The following EFR3A variants were observed in gnomAD, a reference collection of about 807,000 sequenced individuals.
The protein encoded by EFR3A is protein EFR3 homolog A.
EFR3A carries 76 observed loss-of-function variants against 104.4 expected under a neutral mutation model. The ratio of observed to expected loss-of-function variants is 0.73; its 90% CI spans 0.60 to 0.88. The LOEUF (loss-of-function observed/expected upper bound fraction) is 0.88, where lower values mean the gene tolerates loss of function less well. Among genes scored for constraint, EFR3A ranks in the 40% least tolerant of loss-of-function variants. EFR3A has a pLI of 0.00. For missense variants in EFR3A, 985 were observed against 1,012.5 expected, an observed-to-expected ratio of 0.97 and a Z score of 0.37; for synonymous variants, 330 against 330.0, an observed-to-expected ratio of 1.00 and a Z score of 0.00.
chr8:131,974,442 A>C (rs565312356), intron 10 of EFR3A, among the ~76,000 whole-genome samples: 49 of 152,182 alleles, frequency 3.2e-4, no homozygotes, highest in Non-Finnish European at 6.2e-4. Context: ...ACAGAAGGTC[A>C]GTGTCCAGTT....
At position 132,002,774 on chromosome 8, in the gene EFR3A, T is replaced by A. The variant is rs578066264; in HGVS notation, c.2310+68T>A. The A allele has an allele frequency of 1.8e-4, 234 of 1,281,278 alleles. 1 individual carries two copies. In the East Asian group the frequency reaches 5.4e-3, roughly 29 times the overall value. The allele number at this position is 1,281,278 out of a possible 1,614,324, so 79.4% of individuals were successfully genotyped here. A position where few individuals can be genotyped will look rare whatever the true frequency, so the allele number is the denominator to read the frequency against. On this transcript the variant is annotated intron_variant, in intron 21 of 22. Transcript: ENST00000254624. ...TTTGTGGAAACTCTTCCTTGGTGAT[T>A]AGTTGATAAGTTCCAAGCTTTAGTC...
chr8:131,916,292 G>C (rs1353552576), intron 1 of EFR3A, among the ~76,000 whole-genome samples: 1 of 152,196 alleles, frequency 6.6e-6, no homozygotes, highest in Admixed American at 6.5e-5. Context: ...TTGTAGGAAG[G>C]ACTGCAGTGA....
At chr8:131,908,988 G>A (rs1211194605) in intron 1 of EFR3A, among the ~76,000 whole-genome samples, 1 of 152,096 alleles carries the variant, frequency 6.6e-6, no homozygotes, top group African/African-American at 2.4e-5. Flanking sequence ...CATGTGTTGG[G>A]AACATTTCAA....
In EFR3A at chr8:131,947,030, T is replaced by C. The variant is rs550556710; in HGVS notation, c.366+397T>C. Reference sequence around the variant, plus strand: ...TTGTGTACAGGTTTTTGTGTGGATGTATGTTTTTCATTCTCTTGGGTATAT... The same window carrying C: ...TTGTGTACAGGTTTTTGTGTGGATGCATGTTTTTCATTCTCTTGGGTATAT... On this transcript the variant is annotated intron_variant, in intron 4 of 22. Coordinates refer to ENST00000254624, the MANE Select transcript of EFR3A (RefSeq NM_015137.6). 1.5e-4 allele frequency among the ~76,000 whole-genome samples: 23 copies of C among 152,194 alleles called. No individual in the cohort carries two copies. The East Asian group carries it at 3.7e-3, about 24-fold the overall frequency.
chr8:131,976,663 A>G lies in EFR3A; in HGVS notation c.1275-378A>G, dbSNP rs1299944539. ...TTTGACCATAATTTGTTATTTTTTA[A>G]AATTGTTCTTACCTGTTTATTCATA... On this transcript the variant is annotated intron_variant, in intron 11 of 22. Transcript: ENST00000254624. Among the ~76,000 whole-genome samples, 5 of 152,116 alleles carry G rather than the reference A, an allele frequency of 3.3e-5. No individual in the cohort carries two copies. The South Asian group carries it at 1.0e-3, about 32-fold the overall frequency.
At chr8:131,936,992 G>A (rs1280323434) in intron 1 of EFR3A, among the ~76,000 whole-genome samples, 1 of 152,090 alleles carries the variant, frequency 6.6e-6, no homozygotes, top group Non-Finnish European at 1.5e-5. Flanking sequence ...GTTAGGGGTT[G>A]TGGCTGAAAG....
At chr8:132,005,480 G>A (rs1330609403) in intron 22 of EFR3A, among the ~76,000 whole-genome samples, 1 of 151,622 alleles carries the variant, frequency 6.6e-6, no homozygotes, top group African/African-American at 2.4e-5. Flanking sequence ...AGAATAAGCA[G>A]CCTCACAGAT....
At chr8:131,982,026 A>G (rs547872958) in intron 14 of EFR3A, among the ~76,000 whole-genome samples, 19 of 152,284 alleles carry the variant, frequency 1.2e-4, no homozygotes, top group African/African-American at 4.6e-4. Flanking sequence ...TATAAAATAC[A>G]TGGGAATTAT....
At chr8:131,971,646 C>T (rs1043344082) in intron 10 of EFR3A, among the ~76,000 whole-genome samples, 3 of 151,294 alleles carry the variant, frequency 2.0e-5, no homozygotes, top group African/African-American at 7.3e-5. Flanking sequence ...CGAGATGGCG[C>T]CACTGCACTC....
In EFR3A at chr8:132,001,832, A is replaced by G. The variant is rs578252991; in HGVS notation, c.2206+25A>G. On this transcript the variant is annotated intron_variant, in intron 20 of 22. Transcript: ENST00000254624. ...GGTGAGATATTTTGCACTTGTTAGT[A>G]CTACCAATATTTAACTTATCTTTAT... 18 of 1,592,488 alleles carry G rather than the reference A, an allele frequency of 1.1e-5. No homozygotes were observed. The African/African-American group carries it at 2.3e-4, about 20-fold the overall frequency.
At chr8:131,925,212 A>G (rs553189723) in intron 1 of EFR3A, among the ~76,000 whole-genome samples, 7 of 152,236 alleles carry the variant, frequency 4.6e-5, no homozygotes, top group Middle Eastern at 3.4e-3. Flanking sequence ...TATTTGAGTA[A>G]TATCTGATAT....
chr8:131,925,329 C>G (rs2130466902), intron 1 of EFR3A, among the ~76,000 whole-genome samples: 1 of 152,062 alleles, frequency 6.6e-6, no homozygotes, highest in Non-Finnish European at 1.5e-5. Flanking sequence ...TCAAATACAC[C>G]ACAATCTGTG....
At chr8:131,917,146 G>A (rs1259346883) in intron 1 of EFR3A, among the ~76,000 whole-genome samples, 1 of 152,248 alleles carries the variant, frequency 6.6e-6, no homozygotes, top group Non-Finnish European at 1.5e-5. Context: ...ACAACAGAAT[G>A]ATTTGCAGGC....
intron 8 of EFR3A, among the ~76,000 whole-genome samples, chr8:131,966,578 C>A (rs542738333): frequency 6.6e-4 from 100 of 152,170 alleles, no homozygotes; most frequent in African/African-American, 1.8e-3. Context: ...CCCCAAGAAT[C>A]CTATGAGTAA....
intron 14 of EFR3A, among the ~76,000 whole-genome samples, chr8:131,980,876 C>T (rs1820574077): frequency 6.6e-6 from 1 of 152,056 alleles, no homozygotes; most frequent in African/African-American, 2.4e-5. Context: ...GTGAGTTCAA[C>T]TCTTTTAAAT....
chr8:131,946,039 T>C (rs1818422617), intron 3 of EFR3A, among the ~76,000 whole-genome samples: 1 of 152,044 alleles, frequency 6.6e-6, no homozygotes, highest in Non-Finnish European at 1.5e-5. Context: ...AAGTAATATT[T>C]ATGAGATTTT....
intron 1 of EFR3A, among the ~76,000 whole-genome samples, chr8:131,921,574 G>A (rs369590615): frequency 4.1e-4 from 62 of 152,142 alleles, no homozygotes; most frequent in African/African-American, 1.3e-3. Context: ...TTAATTGTGC[G>A]TATTTATTAA....
At chr8:132,002,986 G>C (rs531996610) in intron 21 of EFR3A, among the ~76,000 whole-genome samples, 15 of 152,174 alleles carry the variant, frequency 9.9e-5, no homozygotes, top group African/African-American at 3.6e-4. Flanking sequence ...TGATTTTGCT[G>C]CAGGTATTTT....
intron 1 of EFR3A, among the ~76,000 whole-genome samples, chr8:131,919,439 T>C (rs112070475): frequency 7.1e-4 from 108 of 151,634 alleles, no homozygotes; most frequent in Admixed American, 2.0e-3. Context: ...CTACTAAAAA[T>C]ACAAAAAATT....
Sources: allele counts gnomAD v4.1 joint callset (sites outside exome capture counted in the v4.1 genomes callset), GRCh38; gene constraint gnomAD v4.1.1; transcripts MANE v1.5; gene names NCBI Gene and HGNC (gene_info 2026-07-23, HGNC 2026-07-21).